ARFGAP3: variants seen among roughly 807,000 people sequenced by gnomAD.
ARFGAP3 encodes ARF GTPase activating protein 3.
Under a neutral mutation model 75.0 loss-of-function variants are expected in ARFGAP3, and 72 were observed. The ratio of observed to expected loss-of-function variants is 0.96; its 90% CI spans 0.79 to 1.17. The LOEUF is 1.17. Ranked by LOEUF, ARFGAP3 falls within the 50% of genes most tolerant of loss-of-function variation. The pLI is 0.00. For synonymous variants in ARFGAP3, 221 were observed against 217.9 expected, an observed-to-expected ratio of 1.01 and a Z score of -0.13; for missense variants, 620 against 626.6, an observed-to-expected ratio of 0.99 and a Z score of 0.11.
chr22:42,798,985 T>C, intron 15 of ARFGAP3, 54 bp downstream of exon 15: 2 of 1,507,592 alleles, frequency 1.3e-6, no homozygotes, highest in African/African-American at 1.4e-5. Flanking sequence ...GGTCTCATTT[T>C]CAAACTGCTG....
At chr22:42,843,754 G>A (rs1926885221) in intron 2 of ARFGAP3, among the ~76,000 whole-genome samples, 1 of 152,244 alleles carries the variant, frequency 6.6e-6, no homozygotes, top group East Asian at 1.9e-4. Context: ...CCTTTAATAA[G>A]CTCATGAAAT....
chr22:42,806,070 A>G lies in ARFGAP3; in HGVS notation c.1411+1003T>C, dbSNP rs764275623. On this transcript the variant is annotated intron_variant, in intron 14 of 15. Transcript: ENST00000263245. ...GAAAACAGCTGTTCTCTGTGGCTGTAAGGCCAAGTGATAGCCTAGGTTGGT... is the reference window on the plus strand; with the variant it reads ...GAAAACAGCTGTTCTCTGTGGCTGTGAGGCCAAGTGATAGCCTAGGTTGGT... Among the ~76,000 whole-genome samples the G allele has an allele frequency of 8.3e-4, 126 of 152,346 alleles. 1 individual carries two copies. The highest frequency in any genetic ancestry group is 3.4e-3 in the Admixed American group (52 of 15,310).
At chr22:42,816,617 A>G (rs1207998490) in intron 11 of ARFGAP3, among the ~76,000 whole-genome samples, 2 of 152,238 alleles carry the variant, frequency 1.3e-5, no homozygotes, top group South Asian at 2.1e-4. Context: ...TTTTGTCTCA[A>G]TAAGATAGTG....
chr22:42,836,968 G>A (rs980651219), intron 3 of ARFGAP3, among the ~76,000 whole-genome samples: 2 of 152,204 alleles, frequency 1.3e-5, no homozygotes, highest in African/African-American at 2.4e-5. Context: ...TGGCTAAACC[G>A]AATGACCACT....
At chr22:42,809,060 A>C in intron 12 of ARFGAP3, 170 bp from the exon 13 acceptor site, 1 of 487,462 alleles carries the variant, frequency 2.1e-6, no homozygotes, top group Non-Finnish European at 2.7e-6. Context: ...TAAATACCCA[A>C]ACGATACAAA....
At chr22:42,813,412 G>A (rs929226989) in intron 11 of ARFGAP3, among the ~76,000 whole-genome samples, 1 of 152,114 alleles carries the variant, frequency 6.6e-6, no homozygotes, top group African/African-American at 2.4e-5. Flanking sequence ...GGTGAGGGTG[G>A]GGTGGAACTT....
chr22:42,834,315 T>C lies in ARFGAP3; in HGVS notation c.404A>G (p.Asp135Gly). ...TRKHGTDLWLDSCVVPPLSPP... is the reference protein window; with the variant it reads ...TRKHGTDLWLGSCVVPPLSPP... ...GGACAAAGGTGGAACCACACAACTA[T>C]CAAGCCACAGCTAGAACAAAAAAAC... The change falls in exon 5 of 16, where the codon GAT becomes GGT. Residue 135 changes from aspartate to glycine, a missense_variant. Physicochemically the swap from Asp to Gly is moderately conservative, Grantham distance 94. Coordinates refer to ENST00000263245, the MANE Select transcript of ARFGAP3 (RefSeq NM_014570.5). The C allele has an allele frequency of 6.2e-7, 1 of 1,613,508 alleles. No individual in the cohort carries two copies. Among genetic ancestry groups the C allele is most frequent in the Non-Finnish European group, 8.5e-7 (1 of 1,179,898 alleles).
At chr22:42,843,288 C>T (rs1318117151) in intron 2 of ARFGAP3, among the ~76,000 whole-genome samples, 2 of 152,222 alleles carry the variant, frequency 1.3e-5, no homozygotes, top group Non-Finnish European at 2.9e-5. Context: ...ACCCTTACTT[C>T]TCTTTATTTT....
intron 3 of ARFGAP3, among the ~76,000 whole-genome samples, chr22:42,837,450 T>C (rs779239541): frequency 1.2e-4 from 18 of 151,818 alleles, no homozygotes; most frequent in Non-Finnish European, 2.6e-4. Flanking sequence ...CAAAACCCTG[T>C]CTCTACTAAA....
intron 1 of ARFGAP3, among the ~76,000 whole-genome samples, chr22:42,851,808 A>T (rs966495096): frequency 6.6e-6 from 1 of 152,228 alleles, no homozygotes; most frequent in Non-Finnish European, 1.5e-5. Flanking sequence ...TGTTTTGTTT[A>T]ATGATGAGAA....
chr22:42,822,823 T>C (rs934432900), intron 8 of ARFGAP3, among the ~76,000 whole-genome samples: 5 of 152,208 alleles, frequency 3.3e-5, no homozygotes, highest in African/African-American at 7.2e-5. Context: ...TTTTTTACTT[T>C]TTTTGAGACA....
rs550345023 is a variant in ARFGAP3, at chr22:42,817,297, A to G, written c.942-33T>C. 86 of 1,562,872 alleles carry G rather than the reference A, an allele frequency of 5.5e-5. 1 individual carries two copies. The South Asian group carries it at 9.1e-4, about 17-fold the overall frequency. On this transcript the variant is annotated intron_variant, in intron 10 of 15. Coordinates refer to ENST00000263245, the MANE Select transcript of ARFGAP3 (RefSeq NM_014570.5). ...AAACAGAAAAATATATATATCAGTA[A>G]GTTCACAAACTTTTGTTTCACCAAA...
chr22:42,827,089 C>CCT (rs1555898003), intron 6 of ARFGAP3, 90 bp from the exon 7 acceptor site: 1 of 1,515,602 alleles, frequency 6.6e-7, no homozygotes, highest in Non-Finnish European at 8.8e-7. Flanking sequence ...CTCAGTGCTA[C>CCT]ATCTTATCCA....
chr22:42,805,791 T>A (rs1381660369), intron 14 of ARFGAP3, among the ~76,000 whole-genome samples: 1 of 152,208 alleles, frequency 6.6e-6, no homozygotes, highest in Non-Finnish European at 1.5e-5. Context: ...TGGCAGCGGA[T>A]GTGCCGGGGC....
At chr22:42,828,556 C>CA (rs796782607) in intron 6 of ARFGAP3, among the ~76,000 whole-genome samples, 3,694 of 137,496 alleles carry the variant, frequency 0.027, 138 homozygotes, top group African/African-American at 0.091. Context: ...AACTCTGTCT[C>CA]AAAAAAAAAA....
chr22:42,835,252 T>G, intron 4 of ARFGAP3, 110 bp downstream of exon 4: 3 of 1,281,706 alleles, frequency 2.3e-6, no homozygotes, highest in Non-Finnish European at 3.2e-6. Context: ...GTACACTAAT[T>G]CCTTGTAAGA....
chr22:42,852,123 C>G (rs1010881846), intron 1 of ARFGAP3, among the ~76,000 whole-genome samples: 1 of 149,838 alleles, frequency 6.7e-6, no homozygotes, highest in Non-Finnish European at 1.5e-5. Flanking sequence ...GATATGATCT[C>G]GACTCACTTC....
intron 11 of ARFGAP3, among the ~76,000 whole-genome samples, chr22:42,813,364 G>A (rs985906924): frequency 6.6e-6 from 1 of 152,170 alleles, no homozygotes; most frequent in Admixed American, 6.5e-5. Context: ...GGACTGCCCT[G>A]GAGTGGGAAG....
chr22:42,821,768 G>C (rs1925822434), intron 9 of ARFGAP3, among the ~76,000 whole-genome samples: 1 of 152,174 alleles, frequency 6.6e-6, no homozygotes, highest in Non-Finnish European at 1.5e-5. Flanking sequence ...GATTTGCTGG[G>C]TCACATGGAA....
Sources: gnomAD v4.1 joint callset for allele counts (sites outside exome capture counted in the v4.1 genomes callset) on GRCh38, gnomAD v4.1.1 for gene constraint, MANE v1.5 for transcripts, NCBI Gene and HGNC (gene_info 2026-07-23, HGNC 2026-07-21) for gene names.